MET: variants seen among roughly 807,000 people sequenced by gnomAD.
MET encodes the protein MET proto-oncogene, receptor tyrosine kinase, also known as hepatocyte growth factor receptor.
MET carries 48 observed loss-of-function variants against 133.1 expected under a neutral mutation model. That is an observed-to-expected ratio of 0.36 (90% CI 0.29 to 0.46). The LOEUF (loss-of-function observed/expected upper bound fraction) is 0.46. Among genes scored for constraint, MET ranks in the 20% least tolerant of loss-of-function variants. The pLI, the probability that MET is intolerant of heterozygous loss-of-function variation, is 1.00. For missense variants in MET, 1,442 were observed against 1,695.9 expected (o/e 0.85, Z 2.63); for synonymous variants, 628 against 616.5 (o/e 1.02, Z -0.28).
chr7:116,728,950 C>G (rs1365041543), intron 2 of MET, among the ~76,000 whole-genome samples: 1 of 152,148 alleles, frequency 6.6e-6, no homozygotes, highest in African/African-American at 2.4e-5. Flanking sequence ...AAAGAAGAAA[C>G]AAGACAACCA....
intron 12 of MET, 122 bp downstream of exon 12, chr7:116,769,913 C>T (rs762633614): frequency 7.5e-7 from 1 of 1,339,420 alleles, no homozygotes; most frequent in Admixed American, 1.9e-5. Context: ...TCAACTCAGC[C>T]TGCATTCCTA....
intron 10 of MET, 53 bp downstream of exon 10, chr7:116,759,543 C>G (rs755694349): frequency 1.2e-5 from 19 of 1,583,432 alleles, no homozygotes; most frequent in Non-Finnish European, 1.6e-5. Flanking sequence ...TTGCCTCTAA[C>G]CATGTGGCTT....
At chr7:116,740,761 TATTTACATGTA>T in intron 4 of MET, 80 bp from the exon 5 acceptor site, 4 of 1,481,896 alleles carry the variant, frequency 2.7e-6, no homozygotes, top group Non-Finnish European at 1.9e-6. Context: ...CATCAAATGA[TATTTACATGTA>T]CCTTTTGTGT....
At chr7:116,710,966 G>T (rs1584889616) in intron 2 of MET, among the ~76,000 whole-genome samples, 1 of 152,186 alleles carries the variant, frequency 6.6e-6, no homozygotes, top group South Asian at 2.1e-4. Context: ...AAAACTCCCA[G>T]CACCTTAGTT....
At chr7:116,677,773 G>A (rs567950150) in intron 1 of MET, among the ~76,000 whole-genome samples, 5 of 152,288 alleles carry the variant, frequency 3.3e-5, no homozygotes, top group African/African-American at 1.2e-4. Flanking sequence ...TTGGCACGTG[G>A]TTATTTTTCT....
chr7:116,672,531 T>C lies in MET; in HGVS notation c.-61T>C. 2.5e-6 allele frequency: 1 copy of C among 397,646 alleles called. No individual in the cohort carries two copies. The highest frequency in any genetic ancestry group is 4.4e-6 in the Non-Finnish European group (1 of 225,466). The allele number at this position is 397,646 out of a possible 1,614,324, so 24.6% of individuals were successfully genotyped here. On this transcript the variant is annotated 5_prime_UTR_variant, in exon 1 of 21. Transcript: ENST00000397752. ...GGCGGGGAGGCGCGGAGCGCGCGTG[T>C]GGTCCTTGCGCCGCTGACTTCTCCA... is the stretch of plus-strand genomic sequence containing the variant.
chr7:116,781,879 A>T, intron 17 of MET, 109 bp from the exon 18 acceptor site: 2 of 803,230 alleles, frequency 2.5e-6, no homozygotes, highest in Non-Finnish European at 4.1e-6. Flanking sequence ...AGACCAAACT[A>T]ATTTTTGAGA....
chr7:116,694,975 G>C (rs886823911), intron 1 of MET, among the ~76,000 whole-genome samples: 1 of 152,004 alleles, frequency 6.6e-6, no homozygotes, highest in African/African-American at 2.4e-5. Flanking sequence ...TATTTTGAAG[G>C]CTCCTTCAAA....
chr7:116,726,415 T>G (rs1028421413), intron 2 of MET, among the ~76,000 whole-genome samples: 1 of 151,750 alleles, frequency 6.6e-6, no homozygotes, highest in African/African-American at 2.4e-5. Context: ...CTCAGAGATC[T>G]CAAGCTATAC....
chr7:116,755,041 A>AAAGAAAGAAAGAAAGG lies in MET; in HGVS notation c.1702-312_1702-311insGAAAGAAAGAAAGGAA, dbSNP rs879471092. ...GAAAGAAAGAAAGAAAGAAAGAAAG[A>AAAGAAAGAAAGAAAGG]AAAGAAAGAAAGAACGGAAGGACTC... On this transcript the variant is annotated intron_variant, in intron 5 of 20. Transcript: ENST00000397752. 1.6e-4 allele frequency among the ~76,000 whole-genome samples: 6 copies of AAAGAAAGAAAGAAAGG among 37,400 alleles called. 1 individual carries two copies. In the East Asian group the frequency reaches 2.5e-3, roughly 16 times the overall value. The allele number at this position is 37,400 out of a possible 152,430, so 24.5% of individuals were successfully genotyped here. A position where few individuals can be genotyped will look rare whatever the true frequency, so the allele number is the denominator to read the frequency against.
intron 1 of MET, among the ~76,000 whole-genome samples, chr7:116,675,714 T>A (rs1796133345): frequency 6.6e-6 from 1 of 152,122 alleles, no homozygotes; most frequent in African/African-American, 2.4e-5. Flanking sequence ...ATCTAGTCCC[T>A]GGAGTTTTTG....
intron 17 of MET, 37 bp from the exon 18 acceptor site, chr7:116,781,951 G>A (rs1373932887): frequency 8.0e-7 from 1 of 1,243,388 alleles, no homozygotes; most frequent in Admixed American, 1.7e-5. Context: ...AACAGTAGAT[G>A]CTTAGTTTAT....
chr7:116,724,718 G>T, intron 2 of MET: 1 of 867,000 alleles, frequency 1.2e-6, no homozygotes, highest in South Asian at 1.4e-5. Flanking sequence ...GAAGCCACCC[G>T]GTAGAGCTGG....
At chr7:116,744,873 C>A (rs568760092) in intron 5 of MET, among the ~76,000 whole-genome samples, 37 of 152,226 alleles carry the variant, frequency 2.4e-4, no homozygotes, top group African/African-American at 7.5e-4. Flanking sequence ...AGACACAAGA[C>A]AGGGATGCCC....
intron 17 of MET, among the ~76,000 whole-genome samples, chr7:116,779,256 C>T (rs1177617568): frequency 6.6e-6 from 1 of 152,166 alleles, no homozygotes; most frequent in African/African-American, 2.4e-5. Flanking sequence ...GTGCACAGCA[C>T]AGGAGAAGTG....
At chr7:116,744,645 A>G (rs1793595859) in intron 5 of MET, among the ~76,000 whole-genome samples, 1 of 152,214 alleles carries the variant, frequency 6.6e-6, no homozygotes, top group South Asian at 2.1e-4. Context: ...AACTTCCCCA[A>G]CCTAGCAAGA....
Position 116,797,108 on chromosome 7 carries a change from C to A in MET, c.*984C>A. ...AAATATTTAGTTGTCATATAAAAAC[C>A]CACTGTTTGAGAATGATGCTACTCT... On this transcript the variant is annotated 3_prime_UTR_variant, in exon 21 of 21. Coordinates refer to ENST00000397752, the MANE Select transcript of MET (RefSeq NM_000245.4). 5.1e-6 allele frequency: 1 copy of A among 195,448 alleles called. No homozygotes were observed. The highest frequency in any genetic ancestry group is 1.1e-5 in the Non-Finnish European group (1 of 93,898). The allele number at this position is 195,448 out of a possible 1,614,324, so 12.1% of individuals were successfully genotyped here. A position where few individuals can be genotyped will look rare whatever the true frequency, so the allele number is the denominator to read the frequency against.
At chr7:116,781,838 A>G (rs1795163142) in intron 17 of MET, 150 bp from the exon 18 acceptor site, 1 of 640,576 alleles carries the variant, frequency 1.6e-6, no homozygotes, top group Non-Finnish European at 2.8e-6. Context: ...TTGGCCTCTC[A>G]AAGTTCTGGG....
intron 2 of MET, among the ~76,000 whole-genome samples, chr7:116,725,092 C>T (rs1046843203): frequency 1.3e-5 from 2 of 152,056 alleles, no homozygotes; most frequent in Non-Finnish European, 2.9e-5. Flanking sequence ...CCTTCCTATG[C>T]CTGTACGTAA....
Sources: allele counts gnomAD v4.1 joint callset (sites outside exome capture counted in the v4.1 genomes callset), GRCh38; gene constraint gnomAD v4.1.1; transcripts MANE v1.5; gene names NCBI Gene and HGNC (gene_info 2026-07-23, HGNC 2026-07-21).